The following KALRN variants were observed in gnomAD, a reference collection of about 807,000 sequenced individuals.
KALRN encodes kalirin.
KALRN carries 70 observed loss-of-function variants against 353.7 expected under a neutral mutation model. The observed-to-expected ratio is 0.20, with a 90% CI of 0.16 to 0.24. The LOEUF is 0.24. Among genes scored for constraint, KALRN ranks in the 10% least tolerant of loss-of-function variants. The probability of loss-of-function intolerance (pLI) is 1.00; values close to 1 mark genes in which losing one functional copy is unlikely to be tolerated. For missense variants in KALRN, 2,791 were observed against 3,756.7 expected (o/e 0.74, Z 6.72); for synonymous variants, 1,391 against 1,434.8 (o/e 0.97, Z 0.69).
intron 1 of KALRN, among the ~76,000 whole-genome samples, chr3:124,068,455 A>T (rs1056288351): frequency 1.3e-5 from 2 of 152,216 alleles, no homozygotes; most frequent in Non-Finnish European, 2.9e-5. Flanking sequence ...CTACATTTCA[A>T]GTTCCTGGGA....
intron 1 of KALRN, among the ~76,000 whole-genome samples, chr3:124,128,406 C>T (rs888817449): frequency 6.6e-5 from 10 of 152,068 alleles, no homozygotes; most frequent in African/African-American, 9.7e-5. Flanking sequence ...ATGGATTTTC[C>T]GTAGAGACTA....
chr3:124,266,645 C>T (rs1432162048), intron 4 of KALRN, among the ~76,000 whole-genome samples: 1 of 152,194 alleles, frequency 6.6e-6, no homozygotes, highest in African/African-American at 2.4e-5. Flanking sequence ...GCTTCCCATT[C>T]CAGACTTTTG....
At chr3:124,093,046 T>C (rs1185062670) in intron 1 of KALRN, among the ~76,000 whole-genome samples, 4 of 152,182 alleles carry the variant, frequency 2.6e-5, no homozygotes, top group Non-Finnish European at 5.9e-5. Context: ...TGGTGATGTC[T>C]CTGCCGAGAC....
chr3:124,628,473 C>T (rs68055131), intron 34 of KALRN, among the ~76,000 whole-genome samples: 31,819 of 88,178 alleles, frequency 0.36, 6,580 homozygotes, highest in African/African-American at 0.57. Flanking sequence ...TCCCTTCCTT[C>T]CCTTCCTTCC....
chr3:124,190,309 C>A (rs1157556382), intron 1 of KALRN, among the ~76,000 whole-genome samples: 1 of 152,132 alleles, frequency 6.6e-6, no homozygotes, highest in East Asian at 1.9e-4. Context: ...GATGTTCTCC[C>A]CAGTGGAGTT....
intron 16 of KALRN, among the ~76,000 whole-genome samples, chr3:124,433,092 A>T (rs1576887050): frequency 6.6e-6 from 1 of 152,280 alleles, no homozygotes; most frequent in African/African-American, 2.4e-5. Context: ...TTTCAAAGGG[A>T]GTGAAAGCAG....
intron 5 of KALRN, among the ~76,000 whole-genome samples, chr3:124,282,112 G>A (rs1036678715): frequency 2.6e-5 from 4 of 152,124 alleles, no homozygotes; most frequent in Non-Finnish European, 4.4e-5. Flanking sequence ...ACAAACCCTC[G>A]AGACACTCAA....
intron 51 of KALRN, among the ~76,000 whole-genome samples, chr3:124,681,949 G>T (rs887486009): frequency 1.5e-4 from 23 of 152,320 alleles, no homozygotes; most frequent in African/African-American, 4.8e-4. Flanking sequence ...GTCATTCTCT[G>T]AATGTGTTGC....
At chr3:124,570,976 G>A (rs181410005) in intron 34 of KALRN, among the ~76,000 whole-genome samples, 7 of 152,258 alleles carry the variant, frequency 4.6e-5, no homozygotes, top group African/African-American at 1.7e-4. Flanking sequence ...TACTTCTAGA[G>A]CCTGTTGGAT....
chr3:124,647,168 A>G (rs1199762110), intron 37 of KALRN, among the ~76,000 whole-genome samples: 7 of 152,018 alleles, frequency 4.6e-5, no homozygotes, highest in African/African-American at 1.7e-4. Context: ...CAGCCTCCCA[A>G]ACTGCTGGCA....
chr3:124,228,006 T>C lies in KALRN; in HGVS notation c.90T>C (p.Asp30=). ...AFFRTGSFRN[D]GLKASDVLPI... ...GTCCCACAGGGTCTTTTCGGAATGA[T>C]GGTTTGAAAGCTTCTGATGTCCTTC... Residue 30 remains aspartate (D), a synonymous_variant, in exon 2 of 60, where the codon GAT becomes GAC. Transcript: ENST00000682506. The C allele has an allele frequency of 1.9e-6, 3 of 1,613,972 alleles. No individual in the cohort carries two copies. The highest frequency in any genetic ancestry group is 2.2e-5 in the South Asian group (2 of 91,068).
chr3:124,468,359 A>C (rs2060550447), intron 25 of KALRN, among the ~76,000 whole-genome samples: 1 of 152,040 alleles, frequency 6.6e-6, no homozygotes, highest in African/African-American at 2.4e-5. Flanking sequence ...GGGTTGATCC[A>C]TGGCTGCACG....
intron 25 of KALRN, among the ~76,000 whole-genome samples, chr3:124,464,286 C>T (rs2060124044): frequency 6.6e-6 from 1 of 152,046 alleles, no homozygotes; most frequent in Non-Finnish European, 1.5e-5. Flanking sequence ...TCACAGCACG[C>T]ACTTTCTGGG....
At chr3:124,345,591 C>T (rs957425146) in intron 9 of KALRN, among the ~76,000 whole-genome samples, 2 of 152,044 alleles carry the variant, frequency 1.3e-5, no homozygotes, top group East Asian at 1.9e-4. Context: ...ATGTATATTG[C>T]CAGAATATAT....
At chr3:124,240,632 TTGAC>T (rs2148644604) in intron 3 of KALRN, among the ~76,000 whole-genome samples, 1 of 152,260 alleles carries the variant, frequency 6.6e-6, no homozygotes, top group South Asian at 2.1e-4. Flanking sequence ...CCTGTCATCA[TTGAC>T]TGAATGTACC....
At chr3:124,204,962 A>G (rs950286791) in intron 1 of KALRN, among the ~76,000 whole-genome samples, 4 of 40,314 alleles carry the variant, frequency 9.9e-5, no homozygotes, top group African/African-American at 1.8e-4. Context: ...CTTCTTCCTC[A>G]TTCCCTTGTG....
At chr3:124,249,240 A>G (rs1228911549) in intron 3 of KALRN, among the ~76,000 whole-genome samples, 2 of 152,338 alleles carry the variant, frequency 1.3e-5, no homozygotes, top group East Asian at 3.9e-4. Context: ...GGAGGGACCC[A>G]GTTCTTGCCT....
intron 1 of KALRN, among the ~76,000 whole-genome samples, chr3:124,102,225 C>G (rs1011678528): frequency 2.6e-5 from 4 of 152,060 alleles, no homozygotes; most frequent in African/African-American, 9.7e-5. Context: ...CTAAAGGGAC[C>G]AGGCCTCTTG....
chr3:124,107,837 A>G (rs1394294944), intron 1 of KALRN, among the ~76,000 whole-genome samples: 1 of 152,190 alleles, frequency 6.6e-6, no homozygotes, highest in Non-Finnish European at 1.5e-5. Flanking sequence ...TACAGGCTGG[A>G]AAATCCAGCT....
Sources: allele counts gnomAD v4.1 joint callset (sites outside exome capture counted in the v4.1 genomes callset), GRCh38; gene constraint gnomAD v4.1.1; transcripts MANE v1.5; gene names NCBI Gene and HGNC (gene_info 2026-07-23, HGNC 2026-07-21).